NTRK3: variants seen among roughly 807,000 people sequenced by gnomAD.
NTRK3 encodes neurotrophic receptor tyrosine kinase 3, also known as NT-3 growth factor receptor.
Under a neutral mutation model 91.7 loss-of-function variants are expected in NTRK3, and 24 were observed. The observed-to-expected ratio is 0.26, with a 90% CI of 0.19 to 0.37. The LOEUF is 0.37. Ranked by LOEUF, NTRK3 falls within the 10% of genes least tolerant of loss-of-function variation. The pLI, the probability that NTRK3 is intolerant of heterozygous loss-of-function variation, is 1.00. For missense variants in NTRK3, 880 were observed against 1,068.9 expected, an observed-to-expected ratio of 0.82 and a Z score of 2.46; for synonymous variants, 483 against 404.0, an observed-to-expected ratio of 1.20 and a Z score of -2.34.
At chr15:88,067,769 A>G (rs2046779578) in intron 13 of NTRK3, among the ~76,000 whole-genome samples, 2 of 152,218 alleles carry the variant, frequency 1.3e-5, no homozygotes, top group Non-Finnish European at 2.9e-5. Context: ...TTGAGCTCTC[A>G]GTCTCAATTT....
intron 13 of NTRK3, among the ~76,000 whole-genome samples, chr15:88,038,509 G>A (rs957989570): frequency 6.6e-6 from 1 of 152,060 alleles, no homozygotes; most frequent in African/African-American, 2.4e-5. Flanking sequence ...CCTTGGACAG[G>A]GCTGTTCTAG....
At chr15:88,048,844 G>C (rs1468153414) in intron 13 of NTRK3, among the ~76,000 whole-genome samples, 1 of 152,126 alleles carries the variant, frequency 6.6e-6, no homozygotes, top group African/African-American at 2.4e-5. Context: ...ATGCCACAAG[G>C]GTCCTGAGTT....
chr15:87,910,927 T>C (rs527417310), intron 17 of NTRK3, among the ~76,000 whole-genome samples: 2 of 152,144 alleles, frequency 1.3e-5, no homozygotes, highest in African/African-American at 4.8e-5. Context: ...ACCCCAAAAC[T>C]GCAGATTCAA....
At chr15:87,963,407 C>A (rs1013572639) in intron 14 of NTRK3, among the ~76,000 whole-genome samples, 1 of 152,178 alleles carries the variant, frequency 6.6e-6, no homozygotes, top group Non-Finnish European at 1.5e-5. Context: ...CAAGCCATGA[C>A]CCTCTGTTTA....
chr15:87,883,793 T>C (rs1046207182), intron 17 of NTRK3, among the ~76,000 whole-genome samples: 6 of 151,362 alleles, frequency 4.0e-5, no homozygotes, highest in African/African-American at 1.2e-4. Flanking sequence ...AAGTTGTCTT[T>C]GGGCAATTAA....
intron 14 of NTRK3, among the ~76,000 whole-genome samples, chr15:88,007,720 G>A (rs2076596700): frequency 6.6e-6 from 1 of 152,178 alleles, no homozygotes; most frequent in Non-Finnish European, 1.5e-5. Flanking sequence ...TGAAATCAAG[G>A]CAATCACTGG....
chr15:88,207,595 A>G (rs2048900596), intron 3 of NTRK3, among the ~76,000 whole-genome samples: 1 of 152,200 alleles, frequency 6.6e-6, no homozygotes, highest in African/African-American at 2.4e-5. Flanking sequence ...TTTTCTCTGG[A>G]GAAGGATATC....
At chr15:88,224,984 T>G (rs2050551132) in intron 3 of NTRK3, among the ~76,000 whole-genome samples, 1 of 152,230 alleles carries the variant, frequency 6.6e-6, no homozygotes, top group South Asian at 2.1e-4. Flanking sequence ...CCTGTTTGCC[T>G]TTTTATTTTC....
At chr15:88,166,483 G>C (rs566001917) in intron 5 of NTRK3, among the ~76,000 whole-genome samples, 4 of 152,298 alleles carry the variant, frequency 2.6e-5, no homozygotes, top group East Asian at 3.9e-4. Context: ...GGGCCTGGGC[G>C]CTTCTCTCTG....
intron 14 of NTRK3, among the ~76,000 whole-genome samples, chr15:87,959,685 C>A: frequency 6.6e-6 from 1 of 152,188 alleles, no homozygotes; most frequent in East Asian, 1.9e-4. Context: ...TGAGGCCCTA[C>A]GCTCAAGCTA....
intron 15 of NTRK3, among the ~76,000 whole-genome samples, chr15:87,935,886 A>T (rs561408759): frequency 1.3e-5 from 2 of 152,332 alleles, no homozygotes; most frequent in South Asian, 2.1e-4. Flanking sequence ...AGTCTTCTAC[A>T]TCCCTTCTCT....
chr15:88,256,729 T>C, exon 1 of NTRK3: 1 of 350,500 alleles, frequency 2.9e-6, no homozygotes, highest in Non-Finnish European at 5.1e-6. Context: ...GCTGCAGAAA[T>C]GTACAAGTGC....
At chr15:87,898,546 GT>G (rs1360543489) in intron 17 of NTRK3, among the ~76,000 whole-genome samples, 4 of 152,302 alleles carry the variant, frequency 2.6e-5, no homozygotes, top group African/African-American at 9.6e-5. Flanking sequence ...CATATTCTGT[GT>G]GTGAAGCTTC....
intron 17 of NTRK3, 176 bp downstream of exon 17, chr15:87,929,015 A>G: frequency 2.5e-6 from 2 of 806,748 alleles, no homozygotes; most frequent in African/African-American, 3.4e-5. Context: ...TTGAGAACAT[A>G]ATAAACAGGT....
At chr15:88,186,515 G>A (rs1303794917) in intron 3 of NTRK3, among the ~76,000 whole-genome samples, 1 of 152,162 alleles carries the variant, frequency 6.6e-6, no homozygotes, top group Non-Finnish European at 1.5e-5. Flanking sequence ...TCAGGGAATG[G>A]CATTTTTGTA....
chr15:88,028,674 C>T (rs1297529938), intron 14 of NTRK3, among the ~76,000 whole-genome samples: 1 of 152,136 alleles, frequency 6.6e-6, no homozygotes, highest in Non-Finnish European at 1.5e-5. Flanking sequence ...GCTGCTTCCT[C>T]TGAGACAGGG....
At chr15:88,088,148 G>C (rs1280468142) in intron 13 of NTRK3, among the ~76,000 whole-genome samples, 1 of 152,164 alleles carries the variant, frequency 6.6e-6, no homozygotes, top group Non-Finnish European at 1.5e-5. Context: ...GTGAGATCTT[G>C]AATAAGTCAT....
At chr15:88,138,527 C>A (rs1313250425) in intron 6 of NTRK3, among the ~76,000 whole-genome samples, 2 of 152,190 alleles carry the variant, frequency 1.3e-5, no homozygotes, top group Non-Finnish European at 2.9e-5. Flanking sequence ...CTGCACCATT[C>A]TCCATCATCT....
At chr15:87,902,314 G>T (rs1010905590) in intron 17 of NTRK3, among the ~76,000 whole-genome samples, 2 of 152,194 alleles carry the variant, frequency 1.3e-5, no homozygotes, top group African/African-American at 4.8e-5. Flanking sequence ...CATCAGCTAG[G>T]CTCCTGATGG....
Sources: allele counts gnomAD v4.1 joint callset (sites outside exome capture counted in the v4.1 genomes callset), GRCh38; gene constraint gnomAD v4.1.1; transcripts MANE v1.5; gene names NCBI Gene and HGNC (gene_info 2026-07-23, HGNC 2026-07-21).